Variants in GSG1L observed in about 807,000 individuals in gnomAD.
The protein encoded by GSG1L is GSG1 like, also known as germ cell-specific gene 1-like protein.
GSG1L carries 24 observed loss-of-function variants against 42.1 expected under a neutral mutation model. The observed-to-expected ratio is 0.57, with a 90% CI of 0.41 to 0.80. GSG1L has a LOEUF of 0.80. GSG1L is among the 30% of genes least tolerant of loss of function. The pLI is 0.00. For missense variants in GSG1L, 445 were observed against 472.2 expected, an observed-to-expected ratio of 0.94 and a Z score of 0.53; for synonymous variants, 215 against 203.5, an observed-to-expected ratio of 1.06 and a Z score of -0.48.
chr16:27,833,898 T>G (rs1350557450), intron 4 of GSG1L, among the ~76,000 whole-genome samples: 2 of 152,182 alleles, frequency 1.3e-5, no homozygotes, highest in Non-Finnish European at 2.9e-5. Flanking sequence ...AGTTATATTT[T>G]ATTTCTATTA....
At position 28,038,614 on chromosome 16, in the gene GSG1L, C is replaced by T. The variant is rs142625945; in HGVS notation, c.349+24462G>A. On this transcript the variant is annotated intron_variant, in intron 1 of 6. Transcript: ENST00000447459. The stretch of plus-strand genomic sequence containing the variant: ...TCTGTCTCCATGGTTACCCTGAGCC[C>T]GAACAAAACATCACACACAGATTAC... Among the ~76,000 whole-genome samples, 329 of 152,148 alleles carry T rather than the reference C, an allele frequency of 2.2e-3. 1 individual carries two copies. The highest frequency in any genetic ancestry group is 9.7e-3 in the East Asian group (50 of 5,160).
chr16:27,844,863 C>G (rs1455141979), intron 4 of GSG1L, 87 bp downstream of exon 4: 1 of 331,596 alleles, frequency 3.0e-6, no homozygotes, highest in Non-Finnish European at 5.6e-6. Flanking sequence ...CCCACCGCCC[C>G]CCACCCCACT....
intron 5 of GSG1L, among the ~76,000 whole-genome samples, chr16:27,817,312 T>C (rs1015587975): frequency 1.1e-4 from 16 of 152,130 alleles, no homozygotes; most frequent in African/African-American, 3.9e-4. Flanking sequence ...TCCCCCGCCA[T>C]GTTCTCCACC....
intron 2 of GSG1L, among the ~76,000 whole-genome samples, chr16:27,901,563 T>C (rs1349643534): frequency 6.6e-6 from 1 of 152,216 alleles, no homozygotes; most frequent in Admixed American, 6.5e-5. Context: ...TGTGCATGCA[T>C]GTTAAAATGC....
intron 3 of GSG1L, among the ~76,000 whole-genome samples, chr16:27,881,770 C>G (rs1053399125): frequency 3.3e-5 from 5 of 152,214 alleles, no homozygotes; most frequent in African/African-American, 9.6e-5. Context: ...AGCTAGAAAC[C>G]CTTCACCTTG....
At chr16:27,829,371 A>C (rs1484047420) in intron 4 of GSG1L, among the ~76,000 whole-genome samples, 2 of 152,176 alleles carry the variant, frequency 1.3e-5, no homozygotes, top group Non-Finnish European at 2.9e-5. Context: ...AATGTTCTAC[A>C]AACTGTGGGA....
intron 1 of GSG1L, among the ~76,000 whole-genome samples, chr16:28,046,506 A>G (rs997750644): frequency 6.6e-6 from 1 of 151,962 alleles, no homozygotes; most frequent in Non-Finnish European, 1.5e-5. Context: ...GGCGCCCGCC[A>G]CCATGCCTGG....
At chr16:27,939,771 T>C (rs1187083130) in intron 2 of GSG1L, among the ~76,000 whole-genome samples, 1 of 152,178 alleles carries the variant, frequency 6.6e-6, no homozygotes, top group Non-Finnish European at 1.5e-5. Context: ...TGACAGAGAC[T>C]TCATGCATCA....
chr16:28,047,449 A>C (rs2086174677), intron 1 of GSG1L, among the ~76,000 whole-genome samples: 1 of 152,176 alleles, frequency 6.6e-6, no homozygotes, highest in Admixed American at 6.5e-5. Context: ...AAGAAGTGAA[A>C]GAAGTGAGGC....
intron 2 of GSG1L, among the ~76,000 whole-genome samples, chr16:27,938,635 C>T (rs570197654): frequency 2.6e-5 from 4 of 152,224 alleles, no homozygotes; most frequent in African/African-American, 7.2e-5. Flanking sequence ...AAGTGCCCAC[C>T]GCGAGGGACT....
chr16:28,019,753 G>A (rs1177246673), intron 1 of GSG1L, among the ~76,000 whole-genome samples: 2 of 152,214 alleles, frequency 1.3e-5, no homozygotes, highest in African/African-American at 2.4e-5. Flanking sequence ...ACTCAGAGAA[G>A]GGAGCAGAAA....
rs917152862 is a variant in GSG1L at position 28,059,297 on chromosome 16, T to C, written c.349+3779A>G. Among the ~76,000 whole-genome samples, 1 of 152,024 alleles carries C rather than the reference T, an allele frequency of 6.6e-6. No individual in the cohort carries two copies. The highest frequency in any genetic ancestry group is 2.4e-5 in the African/African-American group (1 of 41,368). ...AAACATGCTCCTTCCTACCCCAACG[T>C]CTCTGGGACTGTGGGAGGGGCCACC... On this transcript the variant is annotated intron_variant, in intron 1 of 6. Coordinates refer to ENST00000447459, the MANE Select transcript of GSG1L (RefSeq NM_001109763.2). The surrounding 1 kb of genome is among the most constrained non-coding windows in gnomAD (Gnocchi z 4.4).
At chr16:27,991,764 A>AC (rs2141135545) in intron 1 of GSG1L, among the ~76,000 whole-genome samples, 1 of 152,332 alleles carries the variant, frequency 6.6e-6, no homozygotes, top group South Asian at 2.1e-4. Context: ...ACTTATTCTG[A>AC]GAAAACCAAA....
intron 1 of GSG1L, among the ~76,000 whole-genome samples, chr16:28,054,921 G>C (rs923280861): frequency 6.6e-5 from 10 of 152,066 alleles, no homozygotes; most frequent in Non-Finnish European, 1.3e-4. Flanking sequence ...GGCACTCCAC[G>C]AGCCACCCCC....
At chr16:28,010,570 G>C (rs983306879) in intron 1 of GSG1L, among the ~76,000 whole-genome samples, 1 of 152,054 alleles carries the variant, frequency 6.6e-6, no homozygotes, top group Non-Finnish European at 1.5e-5. Context: ...CAGCCTGCAG[G>C]GACCTTCAAT....
chr16:27,884,533 T>C lies in GSG1L; in HGVS notation c.503A>G (p.Asp168Gly). The C allele has an allele frequency of 1.2e-6, 2 of 1,613,826 alleles. No homozygotes were observed. Among genetic ancestry groups the C allele is most frequent in the Non-Finnish European group, 1.7e-6 (2 of 1,179,948 alleles). The part of the protein sequence containing the change: ...LELFHSSNVI[D>G]GLKLNAFAAV... The stretch of plus-strand genomic sequence containing the variant: ...CGCGAAGGCATTGAGCTTGAGCCCG[T>C]CGATGACATTGCTGGAGTGGAAGAG... Residue 168 changes from aspartate to glycine, a missense_variant, in exon 3 of 7, where the codon GAC becomes GGC. Physicochemically the swap from Asp to Gly is moderately conservative, Grantham distance 94 (BLOSUM62 -1). Coordinates refer to ENST00000447459, the MANE Select transcript of GSG1L (RefSeq NM_001109763.2). The surrounding 1 kb of genome is among the most constrained non-coding windows in gnomAD (Gnocchi z 4.4).
At chr16:27,888,207 G>T in intron 2 of GSG1L, 1 of 825,956 alleles carries the variant, frequency 1.2e-6, no homozygotes, top group Non-Finnish European at 1.5e-6. Context: ...CCCTGCCCAC[G>T]TGGGCCCCGG....
intron 1 of GSG1L, among the ~76,000 whole-genome samples, chr16:28,041,926 G>A (rs2086111074): frequency 6.6e-6 from 1 of 152,202 alleles, no homozygotes; most frequent in African/African-American, 2.4e-5. Context: ...CATCCCCCTG[G>A]CTTCCATCCA....
At chr16:27,835,077 G>A (rs1166189986) in intron 4 of GSG1L, among the ~76,000 whole-genome samples, 1 of 151,996 alleles carries the variant, frequency 6.6e-6, no homozygotes, top group East Asian at 1.9e-4. Context: ...CCATTTGGTT[G>A]TTCTATTAAT....
Sources: allele counts gnomAD v4.1 joint callset (sites outside exome capture counted in the v4.1 genomes callset), GRCh38; gene constraint gnomAD v4.1.1; non-coding constraint Gnocchi (gnomAD v3.1); transcripts MANE v1.5; gene names NCBI Gene and HGNC (gene_info 2026-07-23, HGNC 2026-07-21).